The following DENND1A variants were observed in gnomAD, a reference collection of about 807,000 sequenced individuals.
DENND1A encodes DENN domain-containing protein 1A.
DENND1A carries 51 observed loss-of-function variants against 113.7 expected under a neutral mutation model. The observed-to-expected ratio is 0.45, with a 90% CI of 0.36 to 0.57. The LOEUF (loss-of-function observed/expected upper bound fraction) is 0.57. Ranked by LOEUF, DENND1A falls within the 20% of genes least tolerant of loss-of-function variation. The probability of loss-of-function intolerance (pLI) is 0.00; values close to 1 mark genes in which losing one functional copy is unlikely to be tolerated. For missense variants in DENND1A, 1,258 were observed against 1,395.9 expected, an observed-to-expected ratio of 0.90 and a Z score of 1.57; for synonymous variants, 565 against 570.8, an observed-to-expected ratio of 0.99 and a Z score of 0.14.
At chr9:123,627,123 G>A (rs1209563013) in intron 10 of DENND1A, among the ~76,000 whole-genome samples, 1 of 152,174 alleles carries the variant, frequency 6.6e-6, no homozygotes, top group Non-Finnish European at 1.5e-5. Context: ...CAGAGAAGGA[G>A]GGCAAGCCAA....
intron 16 of DENND1A, among the ~76,000 whole-genome samples, chr9:123,453,195 C>G (rs4381016): frequency 6.6e-6 from 1 of 152,116 alleles, no homozygotes; most frequent in Non-Finnish European, 1.5e-5. Flanking sequence ...AAACCTCCAG[C>G]TGGAGAGGCA....
chr9:123,670,900 T>G (rs1364205850), intron 7 of DENND1A, among the ~76,000 whole-genome samples: 1 of 152,120 alleles, frequency 6.6e-6, no homozygotes, highest in Non-Finnish European at 1.5e-5. Flanking sequence ...TGTTGAAAGC[T>G]GAGGGTACAG....
In DENND1A at chr9:123,422,585, TTCTA is replaced by T. The variant is rs2045394208; in HGVS notation, c.1489-10760_1489-10757del. Among the ~76,000 whole-genome samples the T allele has an allele frequency of 6.6e-6, 1 of 152,136 alleles. No homozygotes were observed. Among genetic ancestry groups the T allele is most frequent in the South Asian group, 2.1e-4 (1 of 4,822 alleles). ...AAAATTCCTGGACCTTGGAATACAT[TTCTA>T]TCTGTGTCAAAGTCTACCCATCCAC... On this transcript the variant is annotated intron_variant, in intron 19 of 23. Transcript: ENST00000394215. The surrounding 1 kb of genome is among the most constrained non-coding windows in gnomAD (Gnocchi z 4.8).
At chr9:123,675,040 C>G (rs1264182088) in intron 6 of DENND1A, among the ~76,000 whole-genome samples, 6 of 152,198 alleles carry the variant, frequency 3.9e-5, no homozygotes, top group African/African-American at 1.4e-4. Flanking sequence ...GACCTCCTAA[C>G]TCATTCATCA....
At chr9:123,538,171 C>G (rs1218564838) in intron 13 of DENND1A, among the ~76,000 whole-genome samples, 1 of 152,126 alleles carries the variant, frequency 6.6e-6, no homozygotes, top group African/African-American at 2.4e-5. Flanking sequence ...ATTAGTAATT[C>G]TGGAGTATTT....
At chr9:123,463,691 A>G (rs565033155) in intron 13 of DENND1A, among the ~76,000 whole-genome samples, 1 of 152,052 alleles carries the variant, frequency 6.6e-6, no homozygotes. Flanking sequence ...GGGCGGATCA[A>G]CTGATGTCAG....
intron 21 of DENND1A, among the ~76,000 whole-genome samples, chr9:123,391,516 A>G (rs1263825596): frequency 1.3e-5 from 2 of 152,146 alleles, no homozygotes; most frequent in East Asian, 1.9e-4. Flanking sequence ...CTGAATGTGG[A>G]TTTGCCAACT....
chr9:123,861,434 C>T (rs1207589153), intron 2 of DENND1A, among the ~76,000 whole-genome samples: 1 of 152,188 alleles, frequency 6.6e-6, no homozygotes, highest in East Asian at 1.9e-4. Flanking sequence ...CTGTGCCCTC[C>T]TGCTTAGCGG....
At chr9:123,583,124 T>G in intron 12 of DENND1A, 45 bp downstream of exon 12, 1 of 1,426,386 alleles carries the variant, frequency 7.0e-7, no homozygotes, top group Non-Finnish European at 9.7e-7. Flanking sequence ...TCATTTCCTT[T>G]GCAGGAGCTC....
intron 5 of DENND1A, among the ~76,000 whole-genome samples, chr9:123,739,277 C>T (rs1022228787): frequency 1.3e-5 from 2 of 152,066 alleles, no homozygotes; most frequent in East Asian, 1.9e-4. Flanking sequence ...AATAAGGCCT[C>T]GCACAAAAAG....
intron 2 of DENND1A, among the ~76,000 whole-genome samples, chr9:123,819,999 G>T (rs964121770): frequency 1.3e-5 from 2 of 152,114 alleles, no homozygotes; most frequent in South Asian, 4.2e-4. Context: ...TACATATATG[G>T]TAAAAAAGAA....
At chr9:123,403,758 ATTG>A (rs2043703426) in intron 20 of DENND1A, among the ~76,000 whole-genome samples, 1 of 152,170 alleles carries the variant, frequency 6.6e-6, no homozygotes, top group Non-Finnish European at 1.5e-5. Context: ...GGATAGTTCC[ATTG>A]GCCTCCTTGC....
chr9:123,451,570 C>T (rs558690620), intron 17 of DENND1A, among the ~76,000 whole-genome samples: 10 of 152,270 alleles, frequency 6.6e-5, no homozygotes, highest in South Asian at 4.1e-4. Flanking sequence ...TATGCCACCA[C>T]GAACACGCTT....
intron 5 of DENND1A, among the ~76,000 whole-genome samples, chr9:123,733,888 G>A (rs924138511): frequency 3.3e-5 from 5 of 151,936 alleles, no homozygotes; most frequent in Admixed American, 6.6e-5. Flanking sequence ...GGCTGGTCTC[G>A]AAGTCCTGAC....
intron 2 of DENND1A, among the ~76,000 whole-genome samples, chr9:123,815,182 A>C (rs1837243016): frequency 6.6e-6 from 1 of 152,262 alleles, no homozygotes; most frequent in African/African-American, 2.4e-5. Context: ...TATTCTTTAC[A>C]GTTATTTGCT....
At chr9:123,774,151 A>T (rs912653561) in intron 3 of DENND1A, among the ~76,000 whole-genome samples, 2 of 152,004 alleles carry the variant, frequency 1.3e-5, no homozygotes, top group African/African-American at 4.8e-5. Context: ...CCTATGTTTA[A>T]TTTTTTTTAA....
At chr9:123,613,287 C>T (rs116943810) in intron 10 of DENND1A, among the ~76,000 whole-genome samples, 4 of 152,236 alleles carry the variant, frequency 2.6e-5, no homozygotes, top group Non-Finnish European at 5.9e-5. Flanking sequence ...AACCTCTTAT[C>T]ACTCTTGAGC....
intron 2 of DENND1A, among the ~76,000 whole-genome samples, chr9:123,827,730 G>A (rs1255157138): frequency 6.6e-6 from 1 of 152,070 alleles, no homozygotes; most frequent in African/African-American, 2.4e-5. Flanking sequence ...TTTAGGCTTT[G>A]GGTTGGACCT....
At chr9:123,922,349 T>C (rs2134174823) in intron 1 of DENND1A, among the ~76,000 whole-genome samples, 1 of 152,326 alleles carries the variant, frequency 6.6e-6, no homozygotes, top group African/African-American at 2.4e-5. Context: ...CCATGCATTC[T>C]TCCTATCAGT....
Sources: gnomAD v4.1 joint callset for allele counts (sites outside exome capture counted in the v4.1 genomes callset) on GRCh38, gnomAD v4.1.1 for gene constraint, Gnocchi (gnomAD v3.1) non-coding constraint, MANE v1.5 for transcripts, NCBI Gene and HGNC (gene_info 2026-07-23, HGNC 2026-07-21) for gene names.